RAP1A: variants seen among roughly 807,000 people sequenced by gnomAD.
RAP1A encodes the protein RAP1A, member of RAS oncogene family.
A neutral mutation model predicts 26.4 loss-of-function variants in RAP1A; 6 were observed. The ratio of observed to expected loss-of-function variants is 0.23; its 90% CI spans 0.12 to 0.45. RAP1A has a LOEUF of 0.45. RAP1A is among the 20% of genes least tolerant of loss of function. RAP1A has a pLI of 0.99. For missense variants in RAP1A, 121 were observed against 217.2 expected (o/e 0.56, Z 2.78); for synonymous variants, 73 against 79.4 (o/e 0.92, Z 0.43).
chr1:111,554,191 C>G (rs1272376502), intron 1 of RAP1A, among the ~76,000 whole-genome samples: 1 of 152,196 alleles, frequency 6.6e-6, no homozygotes, highest in East Asian at 1.9e-4. Flanking sequence ...ATCTCATAGA[C>G]TTCTTGTGAA....
At chr1:111,665,546 C>A (rs552660923) in intron 1 of RAP1A, among the ~76,000 whole-genome samples, 1 of 152,196 alleles carries the variant, frequency 6.6e-6, no homozygotes, top group East Asian at 1.9e-4. Context: ...TGTTTGTCTG[C>A]AATGATAATA....
At chr1:111,706,611 C>T in intron 6 of RAP1A, 1 of 670,646 alleles carries the variant, frequency 1.5e-6, no homozygotes, top group Non-Finnish European at 1.8e-6. Context: ...CAAGACAACC[C>T]AATTTAGGAA....
intron 1 of RAP1A, among the ~76,000 whole-genome samples, chr1:111,655,478 A>C (rs1334980615): frequency 6.6e-6 from 1 of 152,034 alleles, no homozygotes; most frequent in African/African-American, 2.4e-5. Context: ...TGAAAACTTT[A>C]ACCTCACTAA....
chr1:111,561,398 A>G (rs1657730138), intron 1 of RAP1A, among the ~76,000 whole-genome samples: 1 of 152,260 alleles, frequency 6.6e-6, no homozygotes, highest in African/African-American at 2.4e-5. Context: ...CTGGGATTAC[A>G]GGCGTGAGCC....
chr1:111,674,629 C>T (rs1661070128), intron 1 of RAP1A, among the ~76,000 whole-genome samples: 2 of 152,172 alleles, frequency 1.3e-5, no homozygotes, highest in South Asian at 4.1e-4. Context: ...AAAGTATTAT[C>T]TTTCTTTTTA....
chr1:111,620,196 G>A (rs1659147286), intron 1 of RAP1A, among the ~76,000 whole-genome samples: 1 of 152,210 alleles, frequency 6.6e-6, no homozygotes, highest in Non-Finnish European at 1.5e-5. Flanking sequence ...GCGGGAGACC[G>A]TCGGGAGGGG....
At chr1:111,596,459 G>A (rs1286503444) in intron 1 of RAP1A, among the ~76,000 whole-genome samples, 1 of 152,216 alleles carries the variant, frequency 6.6e-6, no homozygotes, top group Admixed American at 6.5e-5. Context: ...TAACGTAAGA[G>A]TCTGTTTTCC....
At chr1:111,680,422 G>A (rs556242332) in intron 1 of RAP1A, among the ~76,000 whole-genome samples, 3 of 152,286 alleles carry the variant, frequency 2.0e-5, no homozygotes, top group Admixed American at 6.5e-5. Flanking sequence ...TAGACACAGA[G>A]CTCTGATTGG....
chr1:111,639,456 A>T (rs949095654), intron 1 of RAP1A, among the ~76,000 whole-genome samples: 17 of 142,396 alleles, frequency 1.2e-4, no homozygotes, highest in African/African-American at 3.8e-4. Context: ...AAAAATGCTA[A>T]TTTTTTTCTG....
At chr1:111,611,232 T>A (rs1279450633) in intron 1 of RAP1A, among the ~76,000 whole-genome samples, 1 of 152,226 alleles carries the variant, frequency 6.6e-6, no homozygotes, top group Non-Finnish European at 1.5e-5. Context: ...TGTAAAAGTT[T>A]GCCCAAATTT....
chr1:111,583,088 C>T (rs1023508068), intron 1 of RAP1A, among the ~76,000 whole-genome samples: 4 of 151,946 alleles, frequency 2.6e-5, no homozygotes, highest in Non-Finnish European at 4.4e-5. Context: ...TCTGTATTTC[C>T]GGATCACAGA....
At chr1:111,680,285 G>C (rs549149651) in intron 1 of RAP1A, among the ~76,000 whole-genome samples, 2 of 152,300 alleles carry the variant, frequency 1.3e-5, no homozygotes, top group East Asian at 3.9e-4. Context: ...ATCGTGGAAG[G>C]GGACCCAAGC....
chr1:111,580,932 G>A (rs1658245450), intron 1 of RAP1A, among the ~76,000 whole-genome samples: 1 of 151,380 alleles, frequency 6.6e-6, no homozygotes. Flanking sequence ...GCAGAGCAAA[G>A]GAGATACCAC....
chr1:111,618,018 A>C (rs1659050888), upstream of RAP1A, among the ~76,000 whole-genome samples: 1 of 147,718 alleles, frequency 6.8e-6, no homozygotes, highest in Non-Finnish European at 1.5e-5. Context: ...ACTCCAGCCT[A>C]GCAACAGAGC....
At chr1:111,578,356 C>T (rs1293469951) in intron 1 of RAP1A, among the ~76,000 whole-genome samples, 1 of 152,090 alleles carries the variant, frequency 6.6e-6, no homozygotes, top group Non-Finnish European at 1.5e-5. Flanking sequence ...TCAAGGTCAA[C>T]TCACAGAGGG....
chr1:111,584,232 T>C (rs1339027028), intron 1 of RAP1A, among the ~76,000 whole-genome samples: 2 of 152,186 alleles, frequency 1.3e-5, no homozygotes, highest in East Asian at 1.9e-4. Context: ...TGATTGGAGA[T>C]GTACAACAAG....
rs1435897012 is a variant in RAP1A, at chr1:111,691,469, G to A, written c.57+52G>A. On this transcript the variant is annotated intron_variant, in intron 2 of 7. Transcript: ENST00000369709. ...ATTAATATAATACAAGAAGAATTTT[G>A]ACATTTCCTTGCTTTCAGACTTCTA... The A allele has an allele frequency of 2.6e-6, 4 of 1,511,800 alleles. No homozygotes were observed. The Admixed American group carries it at 5.1e-5, about 19-fold the overall frequency. The allele number at this position is 1,511,800 out of a possible 1,614,324, so 93.6% of individuals were successfully genotyped here.
At chr1:111,542,878 A>G (rs1250466703) in intron 1 of RAP1A, among the ~76,000 whole-genome samples, 2 of 151,904 alleles carry the variant, frequency 1.3e-5, no homozygotes, top group African/African-American at 4.8e-5. Context: ...TGCATTTTTA[A>G]TAGAGATGGG....
At chr1:111,648,825 G>A (rs1184977040) in intron 1 of RAP1A, 4 of 696,028 alleles carry the variant, frequency 5.7e-6, no homozygotes, top group Non-Finnish European at 1.1e-5. Flanking sequence ...GTATTGGGCC[G>A]AGATGTCTGC....
Sources: allele counts gnomAD v4.1 joint callset (sites outside exome capture counted in the v4.1 genomes callset), GRCh38; gene constraint gnomAD v4.1.1; transcripts MANE v1.5; gene names NCBI Gene and HGNC (gene_info 2026-07-23, HGNC 2026-07-21).